MRPS18B: variants seen among roughly 807,000 people sequenced by gnomAD.
MRPS18B encodes the protein mitochondrial ribosomal protein S18B, also known as small ribosomal subunit protein mS40.
MRPS18B carries 27 observed loss-of-function variants against 28.4 expected under a neutral mutation model. The ratio of observed to expected loss-of-function variants is 0.95; its 90% confidence interval spans 0.70 to 1.31. The LOEUF is 1.31. Ranked by LOEUF, MRPS18B falls within the 40% of genes most tolerant of loss-of-function variation. The pLI, the probability that MRPS18B is intolerant of heterozygous loss-of-function variation, is 0.00. For synonymous variants in MRPS18B, 118 were observed against 123.7 expected (o/e 0.95, Z 0.30); for missense variants, 343 against 335.9 (o/e 1.02, Z -0.17).
intron 5 of MRPS18B, among the ~76,000 whole-genome samples, chr6:30,623,780 GTT>G (rs1326967547): frequency 6.9e-6 from 1 of 144,466 alleles, no homozygotes; most frequent in Non-Finnish European, 1.5e-5. Context: ...ATTTTTTGTT[GTT>G]TTTTTTTTTT....
In MRPS18B at chr6:30,619,729, T is replaced by G; in HGVS notation, c.208T>G (p.Ser70Ala). 6.2e-7 allele frequency: 1 copy of G among 1,614,170 alleles called. No individual in the cohort carries two copies. The highest frequency in any genetic ancestry group is 8.5e-7 in the Non-Finnish European group (1 of 1,180,040). ...TTCAGAATACCAGGAGCGATATGGT[T>G]CTCGCCCCGTCTGGGCTGACTACCG... The part of the protein sequence containing the change: ...ESEEYQERYG[S>A]RPVWADYRRN... Residue 70 changes from serine to alanine, a missense_variant, in exon 3 of 7, where the codon TCT becomes GCT. By Grantham distance (99) the Ser-to-Ala change is moderately conservative. Transcript: ENST00000259873.
intron 4 of MRPS18B, 152 bp downstream of exon 4, chr6:30,620,141 C>T: frequency 1.4e-6 from 1 of 707,638 alleles, no homozygotes; most frequent in Non-Finnish European, 2.4e-6. Context: ...CACGGTGAAA[C>T]CCCGTCTCTA....
chr6:30,625,957 C>A lies in MRPS18B; in HGVS notation c.*160C>A. ...CTTTACCAAAAAATACAAAAATTAG[C>A]TGGGTGTGGTGGTGCACACCTGTAG... On this transcript the variant is annotated 3_prime_UTR_variant, in exon 7 of 7. Transcript: ENST00000259873. The A allele has an allele frequency of 2.7e-6, 2 of 745,686 alleles. No individual in the cohort carries two copies. Among genetic ancestry groups the A allele is most frequent in the Non-Finnish European group, 4.3e-6 (2 of 469,140 alleles). 46.2% of individuals were successfully genotyped at this position (745,686 alleles called of 1,614,324 possible). A position where few individuals can be genotyped will look rare whatever the true frequency, so the allele number is the denominator to read the frequency against.
At chr6:30,621,408 CAA>C (rs1256151074) in intron 4 of MRPS18B, among the ~76,000 whole-genome samples, 2 of 151,890 alleles carry the variant, frequency 1.3e-5, no homozygotes, top group African/African-American at 4.8e-5. Context: ...CAAAGAAAAA[CAA>C]AACAAAAAGA....
intron 1 of MRPS18B, 67 bp downstream of exon 1, chr6:30,618,010 C>T (rs1266866732): frequency 6.4e-7 from 1 of 1,558,814 alleles, no homozygotes; most frequent in East Asian, 2.2e-5. Context: ...TGTCGCTCCA[C>T]TGTCAGGAAT....
At position 30,619,608 on chromosome 6, in the gene MRPS18B, C is replaced by G. The variant is rs1322184506; in HGVS notation, c.187+7C>G. On this transcript the variant is annotated splice_region_variant and intron_variant, in intron 2 of 6. Coordinates refer to ENST00000259873, the MANE Select transcript of MRPS18B (RefSeq NM_014046.4). Reference sequence around the variant, plus strand: ...AAATATCTGGAATCAGAAGGTACCTCTAAAGGGGGAAAGGGAGGGTCAGAT... The same window carrying G: ...AAATATCTGGAATCAGAAGGTACCTGTAAAGGGGGAAAGGGAGGGTCAGAT... The G allele has an allele frequency of 1.2e-6, 2 of 1,611,518 alleles. No individual in the cohort carries two copies. Among genetic ancestry groups the G allele is most frequent in the Non-Finnish European group, 1.7e-6 (2 of 1,178,734 alleles).
intron 5 of MRPS18B, among the ~76,000 whole-genome samples, chr6:30,623,412 C>T (rs371456747): frequency 1.2e-4 from 18 of 151,884 alleles, no homozygotes; most frequent in African/African-American, 4.1e-4. Flanking sequence ...AATTGATAAA[C>T]AGTGATTAAT....
Position 30,625,609 on chromosome 6 carries a change from G to A in MRPS18B, c.589G>A (p.Asp197Asn), listed in dbSNP as rs533494503. ...GCCAGCCCCCACCCTGGTCTCAGGT[G>A]ACCCCTGGTACCCATGGTACAACTG... ...TPPAPTLVSG[D>N]PWYPWYNWKQ... The change falls in exon 7 of 7, where the codon GAC becomes AAC. Residue 197 changes from aspartate (D) to asparagine (N), a missense_variant. Physicochemically the swap from Asp to Asn is conservative, Grantham distance 23. Transcript: ENST00000259873. The A allele has an allele frequency of 6.2e-7, 1 of 1,612,978 alleles. No homozygotes were observed. The highest frequency in any genetic ancestry group is 1.3e-5 in the African/African-American group (1 of 75,042).
At chr6:30,625,432 C>G (rs1448799946) in intron 6 of MRPS18B, 70 bp from the exon 7 acceptor site, 1 of 1,404,914 alleles carries the variant, frequency 7.1e-7, no homozygotes, top group Admixed American at 2.3e-5. Flanking sequence ...CTTTATAATC[C>G]TTTTTCTTAC....
intron 4 of MRPS18B, among the ~76,000 whole-genome samples, chr6:30,620,935 A>C (rs1209138790): frequency 1.3e-5 from 2 of 152,138 alleles, no homozygotes; most frequent in Non-Finnish European, 2.9e-5. Context: ...TACAGTTATT[A>C]CCAAATATAT....
At chr6:30,620,185 C>T (rs1761061663) in intron 4 of MRPS18B, 196 bp downstream of exon 4, 3 of 561,580 alleles carry the variant, frequency 5.3e-6, no homozygotes, top group East Asian at 3.1e-5. Context: ...GTTGTGGTGG[C>T]GGGCGCCTGT....
At chr6:30,618,080 C>T (rs892637918) in intron 1 of MRPS18B, 137 bp downstream of exon 1, 9 of 819,798 alleles carry the variant, frequency 1.1e-5, no homozygotes, top group East Asian at 5.4e-5. Flanking sequence ...TCCTGCAACC[C>T]CCCCCCCACA....
intron 5 of MRPS18B, among the ~76,000 whole-genome samples, chr6:30,623,122 A>C (rs923833635): frequency 6.6e-6 from 1 of 152,156 alleles, no homozygotes; most frequent in Non-Finnish European, 1.5e-5. Context: ...TAATCCCAGC[A>C]CTTTGGGAGG....
chr6:30,619,643 G>A (rs1272161821), intron 2 of MRPS18B, 42 bp downstream of exon 2: 4 of 1,608,994 alleles, frequency 2.5e-6, no homozygotes, highest in Admixed American at 1.7e-5. Context: ...TAGGATTTGA[G>A]ATAAGTGGAC....
chr6:30,617,948 C>G lies in MRPS18B; in HGVS notation c.78+5C>G, dbSNP rs568703848. ...CGAGGTTCTCACAGAGTTCAGGTAA[C>G]TCTTCGAAAGACATTTTGCACAACC... On this transcript the variant is annotated splice_donor_5th_base_variant and intron_variant, in intron 1 of 6. Transcript: ENST00000259873. 2 of 1,614,140 alleles carry G rather than the reference C, an allele frequency of 1.2e-6. No individual in the cohort carries two copies. Among genetic ancestry groups the G allele is most frequent in the Middle Eastern group, 1.7e-4 (1 of 6,058 alleles).
intron 4 of MRPS18B, among the ~76,000 whole-genome samples, chr6:30,622,580 A>G (rs1341528492): frequency 6.6e-6 from 1 of 151,164 alleles, no homozygotes; most frequent in Non-Finnish European, 1.5e-5. Flanking sequence ...AAAAAAAAAA[A>G]AAAAAAAGAA....
Position 30,617,877 on chromosome 6 carries a change from T to C in MRPS18B, c.12T>C (p.Ser4=), listed in dbSNP as rs774090947. MAA[S]VLNTVLRRLP... is the part of the protein sequence containing the mutation. ...GGGCGTACGTCAAGATGGCGGCGTCTGTATTAAACACCGTGCTGAGGCGGC... is the reference window on the plus strand; with the variant it reads ...GGGCGTACGTCAAGATGGCGGCGTCCGTATTAAACACCGTGCTGAGGCGGC... Residue 4 remains serine (S), a synonymous_variant, in exon 1 of 7, where the codon TCT becomes TCC. Coordinates refer to ENST00000259873, the MANE Select transcript of MRPS18B (RefSeq NM_014046.4). The C allele has an allele frequency of 6.2e-7, 1 of 1,614,100 alleles. No individual in the cohort carries two copies. The highest frequency in any genetic ancestry group is 8.5e-7 in the Non-Finnish European group (1 of 1,180,046).
rs1308233937 is a variant in MRPS18B, at chr6:30,621,530, A to G, written c.355-1302A>G. Among the ~76,000 whole-genome samples the G allele has an allele frequency of 2.0e-5, 3 of 152,252 alleles. No homozygotes were observed. In the East Asian group the frequency reaches 5.8e-4, roughly 29 times the overall value. ...TGGCTGATCATCAGGGAAGTAGTAGAGCATTTGGATAACAGTCAGAAAATG... is the reference window on the plus strand; with the variant it reads ...TGGCTGATCATCAGGGAAGTAGTAGGGCATTTGGATAACAGTCAGAAAATG... On this transcript the variant is annotated intron_variant, in intron 4 of 6. Coordinates refer to ENST00000259873, the MANE Select transcript of MRPS18B (RefSeq NM_014046.4).
chr6:30,625,777 G>C lies in MRPS18B; in HGVS notation c.757G>C (p.Gly253Arg), dbSNP rs537964482. Residue 253 changes from glycine to arginine, a missense_variant, in exon 7 of 7, where the codon GGC (glycine) becomes CGC (arginine). Physicochemically the swap from Gly to Arg is moderately radical, Grantham distance 125. Coordinates refer to ENST00000259873, the MANE Select transcript of MRPS18B (RefSeq NM_014046.4). ...GGAAGCCTCCTCCACTGGGCAGACA[G>C]GCCCTCAGAGTGCTCTGTAGGAGCT... ...PAEASSTGQT[G>R]PQSAL The C allele has an allele frequency of 6.2e-7, 1 of 1,611,430 alleles. No homozygotes were observed. The highest frequency in any genetic ancestry group is 8.5e-7 in the Non-Finnish European group (1 of 1,178,702).
Sources: allele counts gnomAD v4.1 joint callset (sites outside exome capture counted in the v4.1 genomes callset), GRCh38; gene constraint gnomAD v4.1.1; transcripts MANE v1.5; gene names NCBI Gene and HGNC (gene_info 2026-07-23, HGNC 2026-07-21).